Variants in PHF20 observed in about 807,000 individuals in gnomAD.
PHF20 encodes the protein glioma-expressed antigen 2.
PHF20 carries 23 observed loss-of-function variants against 113.5 expected under a neutral mutation model. The ratio of observed to expected loss-of-function variants is 0.20; its 90% CI spans 0.15 to 0.29. The LOEUF (loss-of-function observed/expected upper bound fraction) is 0.29. PHF20 is among the 10% of genes least tolerant of loss of function. The pLI is 1.00. For missense variants in PHF20, 943 were observed against 1,219.6 expected (o/e 0.77, Z 3.38); for synonymous variants, 434 against 457.3 (o/e 0.95, Z 0.65).
At chr20:35,932,592 G>A (rs1310667671) in intron 15 of PHF20, among the ~76,000 whole-genome samples, 2 of 150,012 alleles carry the variant, frequency 1.3e-5, no homozygotes, top group African/African-American at 4.9e-5. Flanking sequence ...CACCACACCC[G>A]GCTAATTTTT....
At chr20:35,940,714 C>T in intron 16 of PHF20, 150 bp from the exon 17 acceptor site, 1 of 699,384 alleles carries the variant, frequency 1.4e-6, no homozygotes, top group Non-Finnish European at 2.4e-6. Flanking sequence ...AGCTCCTGCC[C>T]AGTTCCTAAG....
At chr20:35,927,164 A>G (rs2055656830) in intron 13 of PHF20, among the ~76,000 whole-genome samples, 1 of 152,190 alleles carries the variant, frequency 6.6e-6, no homozygotes. Context: ...GAGTCAGGTT[A>G]TGTTCTTATC....
chr20:35,848,538 A>C (rs1009646211), intron 4 of PHF20, among the ~76,000 whole-genome samples: 3 of 152,076 alleles, frequency 2.0e-5, no homozygotes, highest in Non-Finnish European at 4.4e-5. Context: ...AGCGTGAGCC[A>C]CCATGCCCAG....
chr20:35,809,740 G>T (rs2146880521), intron 2 of PHF20, among the ~76,000 whole-genome samples: 1 of 150,782 alleles, frequency 6.6e-6, no homozygotes, highest in East Asian at 2.0e-4. Context: ...AAAATTCTGG[G>T]CATGGTGGTA....
intron 2 of PHF20, among the ~76,000 whole-genome samples, chr20:35,826,175 C>G (rs995127328): frequency 4.6e-5 from 7 of 152,170 alleles, no homozygotes; most frequent in Non-Finnish European, 8.8e-5. Flanking sequence ...TCCTGAGTAG[C>G]TGGGATTACA....
chr20:35,839,500 G>C (rs1186168600), intron 2 of PHF20, among the ~76,000 whole-genome samples: 2 of 152,130 alleles, frequency 1.3e-5, no homozygotes, highest in African/African-American at 4.8e-5. Context: ...GAATGAGAGG[G>C]TAAGAGATAT....
chr20:35,876,688 A>G (rs1394601708), intron 9 of PHF20, among the ~76,000 whole-genome samples: 1 of 151,458 alleles, frequency 6.6e-6, no homozygotes, highest in African/African-American at 2.4e-5. Flanking sequence ...TAGAGGTCTC[A>G]GGCTGGGCGT....
intron 9 of PHF20, among the ~76,000 whole-genome samples, chr20:35,877,895 T>C (rs2054560540): frequency 6.6e-6 from 1 of 152,234 alleles, no homozygotes; most frequent in African/African-American, 2.4e-5. Context: ...TTGTTGTTAG[T>C]TATAAAACGA....
intron 1 of PHF20, among the ~76,000 whole-genome samples, chr20:35,794,874 A>G (rs932139820): frequency 6.6e-6 from 1 of 151,436 alleles, no homozygotes; most frequent in Non-Finnish European, 1.5e-5. Context: ...AGTCTTTGTC[A>G]GTACATTAAC....
At chr20:35,882,882 G>T (rs1365316640) in intron 9 of PHF20, among the ~76,000 whole-genome samples, 1 of 152,036 alleles carries the variant, frequency 6.6e-6, no homozygotes, top group Non-Finnish European at 1.5e-5. Flanking sequence ...CAAAAGTTTA[G>T]CCAGGTGCGG....
intron 4 of PHF20, chr20:35,849,499 T>C (rs755530066): frequency 1.5e-5 from 7 of 468,972 alleles, no homozygotes; most frequent in South Asian, 1.1e-4. Flanking sequence ...CACCTGTCTC[T>C]ATAAGGTTTT....
chr20:35,795,044 T>C (rs918084111), intron 1 of PHF20, among the ~76,000 whole-genome samples: 6 of 151,808 alleles, frequency 4.0e-5, no homozygotes, highest in Non-Finnish European at 5.9e-5. Context: ...ATACAAAAAT[T>C]AGCTGGGTGT....
At chr20:35,782,262 G>GT (rs11480471) in intron 1 of PHF20, 108,565 of 143,344 alleles carry the variant, frequency 0.76, 41,183 homozygotes, top group East Asian at 0.82. Flanking sequence ...TTCTTGTTTT[G>GT]TTTTTTTTTT....
chr20:35,870,899 C>T lies in PHF20; in HGVS notation c.923-56C>T, dbSNP rs76029631. ...CATCCAGCCCTGAAATCTGTAGTAG[C>T]ACAGTTATTTCTTCTTGTTGGTCTC... On this transcript the variant is annotated intron_variant, in intron 7 of 17. Transcript: ENST00000374012. The T allele has an allele frequency of 3.6e-3, 4,745 of 1,316,704 alleles. 150 individuals are homozygous for T. The African/African-American group carries it at 0.064, about 18-fold the overall frequency. 81.6% of individuals were successfully genotyped at this position (1,316,704 alleles called of 1,614,324 possible).
At chr20:35,859,548 G>GTT (rs773152898) in intron 5 of PHF20, among the ~76,000 whole-genome samples, 4 of 141,554 alleles carry the variant, frequency 2.8e-5, no homozygotes, top group Admixed American at 7.1e-5. Flanking sequence ...TTGGTTTTTG[G>GTT]TTTTTTTTTT....
chr20:35,940,967 A>G lies in PHF20; in HGVS notation c.2816A>G (p.Gln939Arg). The G allele has an allele frequency of 6.2e-7, 1 of 1,614,196 alleles. No homozygotes were observed. The change falls in exon 17 of 18, where the codon CAG becomes CGG. Residue 939 changes from glutamine to arginine, a missense_variant. This residue lies in a region of PHF20 where 349 missense variants were observed against 412.3 expected (regional missense o/e 0.85). Coordinates refer to ENST00000374012, the MANE Select transcript of PHF20 (RefSeq NM_016436.5). Reference sequence around the variant, plus strand: ...CTGCTGAGCTCCCAGCACCAGTGGCAGTTTAACCTGCTGACCCATGTGGAA... The same window carrying G: ...CTGCTGAGCTCCCAGCACCAGTGGCGGTTTAACCTGCTGACCCATGTGGAA... ...EGLLSSQHQWQFNLLTHVESL... is the reference protein window; with the variant it reads ...EGLLSSQHQWRFNLLTHVESL...
intron 3 of PHF20, 22 bp from the exon 4 acceptor site, chr20:35,847,324 CTTTT>C: frequency 1.7e-6 from 2 of 1,171,972 alleles, no homozygotes; most frequent in Non-Finnish European, 2.4e-6. Context: ...GTAACAGGAT[CTTTT>C]TTTTTTTTTT....
intron 1 of PHF20, among the ~76,000 whole-genome samples, chr20:35,790,836 G>A (rs945823630): frequency 6.6e-6 from 1 of 152,054 alleles, no homozygotes; most frequent in African/African-American, 2.4e-5. Context: ...CTGTAGGGGA[G>A]CCGCTGAACT....
intron 1 of PHF20, among the ~76,000 whole-genome samples, chr20:35,787,902 C>T (rs1424383090): frequency 4.0e-5 from 6 of 150,312 alleles, no homozygotes; most frequent in African/African-American, 1.5e-4. Context: ...CTCAGCCTCC[C>T]TGGTAGCTGG....
Sources: allele counts gnomAD v4.1 joint callset (sites outside exome capture counted in the v4.1 genomes callset), GRCh38; gene constraint gnomAD v4.1.1; regional missense constraint gnomAD v4.1.1; transcripts MANE v1.5; gene names NCBI Gene and HGNC (gene_info 2026-07-23, HGNC 2026-07-21).